Variants in TEX9 observed in about 807,000 individuals in gnomAD.
TEX9 encodes testis expressed 9, also known as testis-expressed protein 9.
In TEX9, 74 loss-of-function variants were observed where a neutral mutation model predicts 59.6. The ratio of observed to expected loss-of-function variants is 1.24; its 90% CI spans 1.03 to 1.51. TEX9 has a LOEUF of 1.51. Ranked by LOEUF, TEX9 falls within the 40% of genes most tolerant of loss-of-function variation. The probability of loss-of-function intolerance (pLI) is 0.00; values close to 1 mark genes in which losing one functional copy is unlikely to be tolerated. For missense variants in TEX9, 522 were observed against 447.8 expected (o/e 1.17, Z -1.49); for synonymous variants, 186 against 152.2 (o/e 1.22, Z -1.64).
At chr15:56,460,003 A>ATATATATATATATATATATATAT in the TEX9 span, among the ~76,000 whole-genome samples, 6 of 32,870 alleles carry the variant, frequency 1.8e-4, no homozygotes, top group African/African-American at 6.8e-4. Context: ...AAAAAAAAAA[A>ATATATATATATATATATATATAT]AAAAAAATAC....
intron 10 of TEX9, among the ~76,000 whole-genome samples, chr15:56,427,141 C>G (rs181576994): frequency 3.9e-5 from 6 of 152,188 alleles, no homozygotes; most frequent in Admixed American, 3.9e-4. Context: ...CCTCTGTGAA[C>G]CCACAAACTG....
At chr15:56,371,586 T>G (rs2047193049) in intron 2 of TEX9, among the ~76,000 whole-genome samples, 1 of 152,174 alleles carries the variant, frequency 6.6e-6, no homozygotes, top group South Asian at 2.1e-4. Context: ...GTGGCTTGTT[T>G]CTTTATGCAA....
intron 12 of TEX9, among the ~76,000 whole-genome samples, chr15:56,439,040 CCTGA>C (rs1360007568): frequency 2.0e-5 from 3 of 151,980 alleles, no homozygotes; most frequent in South Asian, 4.1e-4. Context: ...AGAAGACATG[CCTGA>C]CTATGTAGGG....
At chr15:56,334,134 A>T (rs2046212761) in intron 1 of TEX9, among the ~76,000 whole-genome samples, 1 of 152,192 alleles carries the variant, frequency 6.6e-6, no homozygotes, top group Admixed American at 6.5e-5. Context: ...AATACCACGG[A>T]CATTCTTCAC....
intron 1 of TEX9, among the ~76,000 whole-genome samples, chr15:56,277,119 G>T (rs954448254): frequency 3.9e-5 from 6 of 151,948 alleles, no homozygotes; most frequent in Non-Finnish European, 8.8e-5. Context: ...TCTGTAGGTT[G>T]CCTGTTCAGT....
At chr15:56,335,522 G>T (rs951412452) in intron 1 of TEX9, among the ~76,000 whole-genome samples, 1 of 152,096 alleles carries the variant, frequency 6.6e-6, no homozygotes, top group Non-Finnish European at 1.5e-5. Context: ...GGGGATGGGG[G>T]AAGTGGGAAT....
the TEX9 span, among the ~76,000 whole-genome samples, chr15:56,458,155 G>T: frequency 6.6e-6 from 1 of 152,104 alleles, no homozygotes; most frequent in African/African-American, 2.4e-5. Context: ...AACATTCTTG[G>T]TACATGTTAT....
At chr15:56,293,752 C>T (rs1034302071) in intron 1 of TEX9, among the ~76,000 whole-genome samples, 1 of 152,188 alleles carries the variant, frequency 6.6e-6, no homozygotes, top group Non-Finnish European at 1.5e-5. Flanking sequence ...TTTGTGTGAG[C>T]TTCCCTGGCC....
the TEX9 span, chr15:56,456,291 G>C: frequency 9.5e-7 from 1 of 1,053,048 alleles, no homozygotes; most frequent in Middle Eastern, 3.0e-4. Flanking sequence ...TATTAACTAA[G>C]TGAAATGACA....
intron 3 of TEX9, among the ~76,000 whole-genome samples, chr15:56,375,823 A>G (rs1285022169): frequency 4.6e-5 from 7 of 151,568 alleles, no homozygotes; most frequent in South Asian, 4.2e-4. Flanking sequence ...AACCAACCCA[A>G]ATGTCCAACA....
the TEX9 span, chr15:56,456,440 C>A: frequency 6.2e-7 from 1 of 1,611,980 alleles, no homozygotes; most frequent in Non-Finnish European, 8.5e-7. Context: ...TTTAGACTTT[C>A]ATGTTTCAGT....
At chr15:56,436,672 G>A (rs2050731086) in intron 12 of TEX9, among the ~76,000 whole-genome samples, 1 of 152,068 alleles carries the variant, frequency 6.6e-6, no homozygotes, top group Non-Finnish European at 1.5e-5. Flanking sequence ...CCAGGAGCTG[G>A]TTTTCTGAGA....
In TEX9 at chr15:56,339,383, CAAAAAAAAAAAA is replaced by C. The variant is rs71456382; in HGVS notation, c.-106-34038_-106-34027del. On this transcript the variant is annotated intron_variant, in intron 1 of 5. Coordinates refer to the TEX9 transcript ENST00000560827. The stretch of plus-strand genomic sequence containing the variant: ...GGGTGTCAGAGCAAGACTCCTTCTC[CAAAAAAAAAAAA>C]AAAAAAAAAAAAAAAAAAACAGGAG... Among the ~76,000 whole-genome samples the C allele has an allele frequency of 5.0e-3, 154 of 30,774 alleles. 2 individuals are homozygous for C. Among genetic ancestry groups the C allele is most frequent in the African/African-American group, 0.016 (134 of 8,328 alleles). 20.2% of individuals were successfully genotyped at this position (30,774 alleles called of 152,430 possible). A position where few individuals can be genotyped will look rare whatever the true frequency, so the allele number is the denominator to read the frequency against.
In TEX9 at chr15:56,326,058, G is replaced by C. The variant is rs1183458352; in HGVS notation, c.-106-47383G>C. ...TTTGATGAGATAAACTCAAGGATTA[G>C]AGACCCTCAAGAGATGAGGGTCATC... On this transcript the variant is annotated intron_variant, in intron 1 of 5. Transcript: ENST00000560827. Among the ~76,000 whole-genome samples, 8 of 152,304 alleles carry C rather than the reference G, an allele frequency of 5.3e-5. No homozygotes were observed. The South Asian group carries it at 1.7e-3, about 32-fold the overall frequency.
At chr15:56,262,975 C>A (rs780709552) in intron 1 of TEX9, among the ~76,000 whole-genome samples, 1 of 152,146 alleles carries the variant, frequency 6.6e-6, no homozygotes. Flanking sequence ...TTTGCTTTCA[C>A]TCAGTCTCTG....
At chr15:56,359,958 G>C (rs1312000688) in intron 1 of TEX9, among the ~76,000 whole-genome samples, 1 of 152,116 alleles carries the variant, frequency 6.6e-6, no homozygotes, top group Admixed American at 6.5e-5. Flanking sequence ...GTTGGATTTT[G>C]TCAAATGCTT....
chr15:56,250,032 C>T (rs1005990524), intron 1 of TEX9, among the ~76,000 whole-genome samples: 1 of 152,056 alleles, frequency 6.6e-6, no homozygotes, highest in African/African-American at 2.4e-5. Context: ...AACCCTACTG[C>T]AGTACTAGGA....
rs139555987 is a variant in TEX9, at chr15:56,323,009, C to T, written c.-106-50432C>T. ...TCCTAACAAAAATAAAGAACGGAGG[C>T]ACAGCTATGGCAGTACACTGAGCTC... On this transcript the variant is annotated intron_variant, in intron 1 of 5. Coordinates refer to the TEX9 transcript ENST00000560827. 1.1e-3 allele frequency among the ~76,000 whole-genome samples: 161 copies of T among 152,116 alleles called. 3 individuals are homozygous for T. In the East Asian group the frequency reaches 0.024, roughly 22 times the overall value.
chr15:56,300,696 A>AGG (rs142021105), intron 1 of TEX9, among the ~76,000 whole-genome samples: 733 of 59,484 alleles, frequency 0.012, 13 homozygotes, highest in Middle Eastern at 0.045. Flanking sequence ...AGAGAGAGAG[A>AGG]GAGAGAGAGA....
Sources: gnomAD v4.1 joint callset for allele counts (sites outside exome capture counted in the v4.1 genomes callset) on GRCh38, gnomAD v4.1.1 for gene constraint, MANE v1.5 for transcripts, NCBI Gene and HGNC (gene_info 2026-07-23, HGNC 2026-07-21) for gene names.